CDH12: variants seen among roughly 807,000 people sequenced by gnomAD.
CDH12 encodes cadherin-12.
Under a neutral mutation model 74.1 loss-of-function variants are expected in CDH12, and 41 were observed. The observed-to-expected ratio is 0.55, with a 90% CI of 0.43 to 0.72. The LOEUF (loss-of-function observed/expected upper bound fraction) is 0.72. Among genes scored for constraint, CDH12 ranks in the 30% least tolerant of loss-of-function variants. CDH12 has a pLI of 0.00. For synonymous variants in CDH12, 399 were observed against 355.0 expected, an observed-to-expected ratio of 1.12 and a Z score of -1.39; for missense variants, 945 against 977.2, an observed-to-expected ratio of 0.97 and a Z score of 0.44.
Position 21,802,355 on chromosome 5 carries a change from G to A in CDH12, c.1068C>T (p.Asp356=), listed in dbSNP as rs1470893699. 1.2e-6 allele frequency: 2 copies of A among 1,613,832 alleles called. No individual in the cohort carries two copies. The change falls in exon 10 of 15, where the codon GAC becomes GAT. Residue 356 remains aspartate (D), a synonymous_variant. Transcript: ENST00000382254. ...FKVEASNLHL[D]HRFHSAGPFK... ...AAGGGCCCGCCGAGTGAAACCGGTG[G>A]TCAAGGTGAAGGTTGGAAGCCTCAA...
intron 3 of CDH12, among the ~76,000 whole-genome samples, chr5:22,284,747 A>T (rs1315114667): frequency 6.6e-6 from 1 of 152,154 alleles, no homozygotes; most frequent in East Asian, 1.9e-4. Context: ...GAAAGTGGGG[A>T]TTATTGAGAG....
At chr5:22,744,921 G>T (rs1315276151) in intron 1 of CDH12, among the ~76,000 whole-genome samples, 1 of 151,778 alleles carries the variant, frequency 6.6e-6, no homozygotes, top group African/African-American at 2.4e-5. Context: ...TTCCTAACAG[G>T]GTGGGTAGGA....
intron 13 of CDH12, 34 bp downstream of exon 13, chr5:21,760,524 G>T: frequency 9.8e-7 from 1 of 1,018,452 alleles, no homozygotes; most frequent in South Asian, 1.3e-5. Flanking sequence ...AAAGATACAT[G>T]ATAAGAGGTA....
intron 3 of CDH12, among the ~76,000 whole-genome samples, chr5:22,396,249 G>A (rs147861681): frequency 3.8e-4 from 58 of 152,100 alleles, no homozygotes; most frequent in Non-Finnish European, 6.8e-4. Context: ...AGAAAATGAG[G>A]GAACACCAGA....
intron 3 of CDH12, among the ~76,000 whole-genome samples, chr5:22,220,310 T>C (rs140306774): frequency 0.025 from 3,857 of 151,816 alleles, 71 homozygotes; most frequent in African/African-American, 0.052. Flanking sequence ...TTATTTATAA[T>C]AGTGAGATAC....
intron 3 of CDH12, among the ~76,000 whole-genome samples, chr5:22,349,432 T>C (rs567783689): frequency 6.6e-5 from 10 of 152,326 alleles, no homozygotes; most frequent in African/African-American, 2.2e-4. Context: ...TATGCAGATT[T>C]CAATTCCTGT....
chr5:22,175,206 A>T (rs910168888), intron 4 of CDH12, among the ~76,000 whole-genome samples: 11 of 152,036 alleles, frequency 7.2e-5, no homozygotes, highest in African/African-American at 2.7e-4. Flanking sequence ...GTTTCTAAAC[A>T]TGCCTGGTTT....
At chr5:22,653,423 C>T (rs1258430416) in intron 1 of CDH12, among the ~76,000 whole-genome samples, 1 of 151,934 alleles carries the variant, frequency 6.6e-6, no homozygotes, top group Non-Finnish European at 1.5e-5. Context: ...CACGACGGAG[C>T]CATCGTTTGT....
At chr5:21,833,967 G>T (rs75547662) in intron 8 of CDH12, among the ~76,000 whole-genome samples, 3,039 of 151,892 alleles carry the variant, frequency 0.02, 64 homozygotes, top group African/African-American at 0.057. Context: ...GAGCTTTTTG[G>T]TAATTAAATT....
intron 5 of CDH12, among the ~76,000 whole-genome samples, chr5:21,985,270 T>C (rs908142350): frequency 2.0e-5 from 3 of 152,182 alleles, no homozygotes; most frequent in African/African-American, 7.2e-5. Context: ...TATTGTTCTA[T>C]CTGTTTTACT....
intron 4 of CDH12, among the ~76,000 whole-genome samples, chr5:22,185,866 T>C (rs190267408): frequency 2.6e-5 from 4 of 152,312 alleles, no homozygotes; most frequent in Admixed American, 2.0e-4. Flanking sequence ...CTAAGGCGTA[T>C]GAAAGGAAGA....
intron 6 of CDH12, among the ~76,000 whole-genome samples, chr5:21,939,267 G>C (rs1755219597): frequency 6.6e-6 from 1 of 151,288 alleles, no homozygotes; most frequent in African/African-American, 2.4e-5. Context: ...AATACATGAA[G>C]AGTAGGAAAA....
chr5:21,857,699 G>A (rs919180052), intron 6 of CDH12, among the ~76,000 whole-genome samples: 1 of 151,814 alleles, frequency 6.6e-6, no homozygotes, highest in Non-Finnish European at 1.5e-5. Flanking sequence ...AACTAAATAA[G>A]TGATCACTAA....
At chr5:22,499,156 C>T (rs943194839) in intron 2 of CDH12, among the ~76,000 whole-genome samples, 11 of 151,558 alleles carry the variant, frequency 7.3e-5, no homozygotes, top group Non-Finnish European at 1.3e-4. Flanking sequence ...TCAAGTGATC[C>T]GCCTGTCTTG....
chr5:22,797,013 G>A (rs1422078704), intron 1 of CDH12, among the ~76,000 whole-genome samples: 1 of 151,956 alleles, frequency 6.6e-6, no homozygotes, highest in East Asian at 1.9e-4. Flanking sequence ...AAAATAGAAA[G>A]CAAGGGAAGC....
chr5:21,847,496 C>A (rs1482555478), intron 7 of CDH12, among the ~76,000 whole-genome samples: 1 of 152,028 alleles, frequency 6.6e-6, no homozygotes, highest in African/African-American at 2.4e-5. Context: ...TTCATCCAGA[C>A]AATGGCAGCA....
intron 1 of CDH12, among the ~76,000 whole-genome samples, chr5:22,642,513 G>A (rs1739203993): frequency 6.6e-6 from 1 of 152,030 alleles, no homozygotes; most frequent in Non-Finnish European, 1.5e-5. Flanking sequence ...AAAGGTAGCT[G>A]GGCCATAAAA....
chr5:21,917,048 C>G (rs965371217), intron 6 of CDH12, among the ~76,000 whole-genome samples: 12 of 152,136 alleles, frequency 7.9e-5, no homozygotes, highest in Admixed American at 7.2e-4. Flanking sequence ...TACACCTTTC[C>G]CTCCTCTCCC....
At chr5:22,114,732 T>C (rs568218492) in intron 4 of CDH12, among the ~76,000 whole-genome samples, 4 of 152,328 alleles carry the variant, frequency 2.6e-5, no homozygotes, top group South Asian at 2.1e-4. Context: ...AAGGATTCTA[T>C]TTGAAGCCAC....
Sources: allele counts gnomAD v4.1 joint callset (sites outside exome capture counted in the v4.1 genomes callset), GRCh38; gene constraint gnomAD v4.1.1; transcripts MANE v1.5; gene names NCBI Gene and HGNC (gene_info 2026-07-23, HGNC 2026-07-21).